C8orf89: variants seen among roughly 807,000 people sequenced by gnomAD.
The protein encoded by C8orf89 is putative uncharacterized protein C8orf89.
Under a neutral mutation model 15.8 loss-of-function variants are expected in C8orf89, and 14 were observed. That is an observed-to-expected ratio of 0.89 (90% CI 0.59 to 1.39). The LOEUF (loss-of-function observed/expected upper bound fraction) is 1.39. C8orf89 is among the 40% of genes most tolerant of loss of function. C8orf89 has a pLI of 0.00. For missense variants in C8orf89, 181 were observed against 184.5 expected, an observed-to-expected ratio of 0.98 and a Z score of 0.11; for synonymous variants, 55 against 62.2, an observed-to-expected ratio of 0.88 and a Z score of 0.54.
chr8:73,274,030 C>T, the C8orf89 span, among the ~76,000 whole-genome samples: 2 of 151,682 alleles, frequency 1.3e-5, no homozygotes, highest in Non-Finnish European at 2.9e-5. Context: ...TTTTTTTTAC[C>T]ACCTTGAGAT....
the C8orf89 span, among the ~76,000 whole-genome samples, chr8:73,266,782 T>A: frequency 6.6e-6 from 1 of 151,746 alleles, no homozygotes; most frequent in Non-Finnish European, 1.5e-5. Context: ...CCAGAAACAA[T>A]CATCAAACCA....
upstream of C8orf89, among the ~76,000 whole-genome samples, chr8:73,259,711 A>G (rs755758479): frequency 1.1e-4 from 17 of 152,158 alleles, no homozygotes; most frequent in Non-Finnish European, 2.2e-4. Flanking sequence ...TCTCAAAAAC[A>G]TTATCATTAT....
intron 2 of C8orf89, among the ~76,000 whole-genome samples, chr8:73,254,021 G>A (rs550551727): frequency 3.9e-4 from 59 of 152,234 alleles, no homozygotes; most frequent in Middle Eastern, 6.8e-3. Context: ...AGTTTTCAAA[G>A]GGAATGCTTC....
intron 3 of C8orf89, among the ~76,000 whole-genome samples, chr8:73,249,736 A>C (rs1281872511): frequency 6.6e-6 from 1 of 152,320 alleles, no homozygotes; most frequent in South Asian, 2.1e-4. Flanking sequence ...TTGACTTAAA[A>C]GTAGTTTTTT....
chr8:73,256,397 A>T (rs1280217209), intron 2 of C8orf89, among the ~76,000 whole-genome samples: 1 of 152,126 alleles, frequency 6.6e-6, no homozygotes, highest in African/African-American at 2.4e-5. Context: ...TCTCATGGGC[A>T]TGATCTAGGC....
chr8:73,267,497 A>T, the C8orf89 span, among the ~76,000 whole-genome samples: 1 of 152,240 alleles, frequency 6.6e-6, no homozygotes, highest in Non-Finnish European at 1.5e-5. Context: ...ACTTAATTTG[A>T]AACCCAATAC....
At position 73,250,290 on chromosome 8, in the gene C8orf89, T is replaced by A; in HGVS notation, c.315A>T (p.Ala105=). Residue 105 remains alanine, a synonymous_variant, in exon 3 of 4, where the codon GCA becomes GCT. Coordinates refer to ENST00000624510, the MANE Select transcript of C8orf89 (RefSeq NM_001243237.3). ...LKKTKETCSV[A]PLWEKSKGSG... ...TACCTTTTGATTTCTCCCAAAGTGG[T>A]GCCACACTGCATGTCTCCTTAGTCT... 1.3e-6 allele frequency: 2 copies of A among 1,533,612 alleles called. No homozygotes were observed. Among genetic ancestry groups the A allele is most frequent in the Non-Finnish European group, 1.7e-6 (2 of 1,145,080 alleles).
the C8orf89 span, among the ~76,000 whole-genome samples, chr8:73,274,114 G>T: frequency 6.6e-6 from 1 of 151,660 alleles, no homozygotes; most frequent in Non-Finnish European, 1.5e-5. Flanking sequence ...GGAGACAGGT[G>T]CTTACCTGAC....
At chr8:73,243,789 C>G (rs1170557959) in intron 3 of C8orf89, among the ~76,000 whole-genome samples, 1 of 152,142 alleles carries the variant, frequency 6.6e-6, no homozygotes, top group East Asian at 1.9e-4. Flanking sequence ...CTCAGCCTCC[C>G]AAAGTGCTGG....
At chr8:73,246,194 T>C (rs2130249511) in intron 3 of C8orf89, among the ~76,000 whole-genome samples, 1 of 152,348 alleles carries the variant, frequency 6.6e-6, no homozygotes, top group Middle Eastern at 3.4e-3. Context: ...ATGTTATTCT[T>C]CACATCAAAA....
chr8:73,244,812 A>G (rs1160897906), intron 3 of C8orf89, among the ~76,000 whole-genome samples: 2 of 152,208 alleles, frequency 1.3e-5, no homozygotes, highest in Non-Finnish European at 2.9e-5. Flanking sequence ...AACCTGAAAA[A>G]ACTTCAAAGA....
chr8:73,283,710 A>G, the C8orf89 span, among the ~76,000 whole-genome samples: 2 of 152,212 alleles, frequency 1.3e-5, no homozygotes, highest in Non-Finnish European at 2.9e-5. Flanking sequence ...TTCTGCTTCA[A>G]GGAATTTATT....
the C8orf89 span, among the ~76,000 whole-genome samples, chr8:73,268,019 A>G: frequency 2.6e-5 from 4 of 152,246 alleles, no homozygotes; most frequent in Admixed American, 6.5e-5. Flanking sequence ...AGAGGAATAG[A>G]AGACAAAACA....
chr8:73,266,294 T>C, the C8orf89 span, among the ~76,000 whole-genome samples: 1 of 152,222 alleles, frequency 6.6e-6, no homozygotes, highest in Non-Finnish European at 1.5e-5. Flanking sequence ...GACCTGCTTA[T>C]GGTCCCTCAC....
At chr8:73,258,943 T>C (rs569120356) in intron 1 of C8orf89, among the ~76,000 whole-genome samples, 2 of 152,318 alleles carry the variant, frequency 1.3e-5, no homozygotes, top group East Asian at 3.9e-4. Context: ...GTTAGAATTA[T>C]TAATACATAA....
At chr8:73,264,494 T>C (rs1813584048), upstream of C8orf89, among the ~76,000 whole-genome samples, 1 of 152,130 alleles carries the variant, frequency 6.6e-6, no homozygotes, top group Non-Finnish European at 1.5e-5. Context: ...ATTGACAAAG[T>C]GATCTCTTTT....
chr8:73,264,833 C>T, the C8orf89 span, among the ~76,000 whole-genome samples: 132 of 152,210 alleles, frequency 8.7e-4, 1 homozygote, highest in Non-Finnish European at 1.7e-3. Context: ...CCAGAGTAGC[C>T]ACAGATATCT....
chr8:73,277,896 C>G, the C8orf89 span: 1 of 685,652 alleles, frequency 1.5e-6, no homozygotes. Context: ...AGGTCTATAT[C>G]CTCCAGGTAC....
the C8orf89 span, chr8:73,278,028 G>T: frequency 3.8e-6 from 2 of 528,384 alleles, no homozygotes; most frequent in Non-Finnish European, 7.1e-6. Flanking sequence ...AGGAAACTTG[G>T]GTTCTGGAAG....
Sources: allele counts gnomAD v4.1 joint callset (sites outside exome capture counted in the v4.1 genomes callset), GRCh38; gene constraint gnomAD v4.1.1; transcripts MANE v1.5; gene names NCBI Gene and HGNC (gene_info 2026-07-23, HGNC 2026-07-21).